ZNF207: variants seen among roughly 807,000 people sequenced by gnomAD.
ZNF207 encodes zinc finger protein 207, also known as BUB3-interacting and GLEBS motif-containing protein ZNF207.
Under a neutral mutation model 60.2 loss-of-function variants are expected in ZNF207, and 24 were observed. The observed-to-expected ratio is 0.40, with a 90% confidence interval of 0.29 to 0.56. The LOEUF is 0.56. Ranked by LOEUF, ZNF207 falls within the 20% of genes least tolerant of loss-of-function variation. ZNF207 has a pLI of 0.49. For synonymous variants in ZNF207, 236 were observed against 194.7 expected, an observed-to-expected ratio of 1.21 and a Z score of -1.77; for missense variants, 452 against 636.6, an observed-to-expected ratio of 0.71 and a Z score of 3.12.
At position 32,370,327 on chromosome 17, in the gene ZNF207, A is replaced by G. The variant is rs1301580378; in HGVS notation, c.*568A>G. The G allele has an allele frequency of 6.5e-6, 1 of 152,700 alleles. No homozygotes were observed. The highest frequency in any genetic ancestry group is 2.4e-5 in the African/African-American group (1 of 41,470). 9.5% of individuals were successfully genotyped at this position (152,700 alleles called of 1,614,324 possible). ...CTGTACTGTTAAACTTCATTGTAAT[A>G]AAATGAGAGAAAAATTTATGCCTTT... On this transcript the variant is annotated 3_prime_UTR_variant, in exon 12 of 12. Transcript: ENST00000394670.
At chr17:32,366,844 AAAAATATACTGTGTTTACTTTTT>A (rs1905184894) in intron 9 of ZNF207, 87 bp downstream of exon 9, 7 of 1,206,716 alleles carry the variant, frequency 5.8e-6, no homozygotes, top group Middle Eastern at 2.0e-4. Flanking sequence ...ATATTTTTCC[AAAAATATACTGTGTTTACTTTTT>A]TAAAGCAAAA....
chr17:32,354,893 C>T (rs1597758792), intron 2 of ZNF207, among the ~76,000 whole-genome samples: 1 of 152,102 alleles, frequency 6.6e-6, no homozygotes, highest in Non-Finnish European at 1.5e-5. Flanking sequence ...GGATTACAGG[C>T]GTGAGCCACT....
intron 6 of ZNF207, among the ~76,000 whole-genome samples, chr17:32,362,524 A>C (rs1904946284): frequency 6.6e-6 from 1 of 152,158 alleles, no homozygotes; most frequent in Non-Finnish European, 1.5e-5. Context: ...AAAATCCAAC[A>C]CAACTCTGAA....
intron 7 of ZNF207, among the ~76,000 whole-genome samples, chr17:32,364,487 G>C (rs1440045706): frequency 6.6e-6 from 1 of 151,532 alleles, no homozygotes; most frequent in Non-Finnish European, 1.5e-5. Flanking sequence ...AGCCTCCTGA[G>C]TAGCTGGGAT....
At chr17:32,363,688 C>T (rs1162763290) in intron 7 of ZNF207, among the ~76,000 whole-genome samples, 3 of 151,678 alleles carry the variant, frequency 2.0e-5, no homozygotes, top group Admixed American at 6.6e-5. Context: ...CCCACTACCA[C>T]GCCTGGCTCA....
At chr17:32,367,623 G>A (rs1242900764) in intron 9 of ZNF207, 149 bp from the exon 10 acceptor site, 2 of 1,079,812 alleles carry the variant, frequency 1.9e-6, no homozygotes, top group Non-Finnish European at 2.6e-6. Flanking sequence ...CTTGAATTTT[G>A]TGGAATGTTT....
Position 32,369,926 on chromosome 17 carries a change from T to G in ZNF207, c.*167T>G. The G allele has an allele frequency of 1.3e-6, 1 of 792,540 alleles. No homozygotes were observed. Among genetic ancestry groups the G allele is most frequent in the Non-Finnish European group, 1.7e-6 (1 of 582,736 alleles). 49.1% of individuals were successfully genotyped at this position (792,540 alleles called of 1,614,324 possible). A position where few individuals can be genotyped will look rare whatever the true frequency, so the allele number is the denominator to read the frequency against. On this transcript the variant is annotated 3_prime_UTR_variant, in exon 12 of 12. Transcript: ENST00000394670. Reference sequence around the variant, plus strand: ...TTTATTTTACATGGGAAAAATTATTTGGAATAATAAAGCAGGAACTTTTCC... The same window carrying G: ...TTTATTTTACATGGGAAAAATTATTGGGAATAATAAAGCAGGAACTTTTCC...
In ZNF207 at chr17:32,378,995, G is replaced by T. The variant is rs1027399621; in HGVS notation, c.*9236G>T. The T allele has an allele frequency of 1.4e-4, 22 of 152,088 alleles. No homozygotes were observed. The highest frequency in any genetic ancestry group is 4.6e-4 in the African/African-American group (19 of 41,454). 9.4% of individuals were successfully genotyped at this position (152,088 alleles called of 1,614,324 possible). On this transcript the variant is annotated 3_prime_UTR_variant, in exon 12 of 12. Transcript: ENST00000394670. The stretch of plus-strand genomic sequence containing the variant: ...ATGGTGATTAGCCATTGTGAAAACA[G>T]ATTATATGGAAATTGTGCATATTGC...
At chr17:32,362,892 C>T (rs1284692320) in intron 6 of ZNF207, 22 bp from the exon 7 acceptor site, 2 of 1,610,224 alleles carry the variant, frequency 1.2e-6, no homozygotes, top group South Asian at 2.2e-5. Context: ...CTTACTGTTT[C>T]TTGAAATTTG....
rs917746907 is a variant in ZNF207, at chr17:32,373,636, T to G, written c.*3877T>G. The G allele has an allele frequency of 4.6e-5, 18 of 389,110 alleles. No homozygotes were observed. The highest frequency in any genetic ancestry group is 7.7e-5 in the Non-Finnish European group (17 of 221,202). The allele number at this position is 389,110 out of a possible 1,614,324, so 24.1% of individuals were successfully genotyped here. On this transcript the variant is annotated 3_prime_UTR_variant, in exon 12 of 12. Transcript: ENST00000394670. ...TATTCACGTTTGACTGTGGTGTTAA[T>G]AAACATAAGTATTTCATATGCAATT...
chr17:32,368,132 A>G, intron 10 of ZNF207, 118 bp downstream of exon 10: 6 of 1,412,868 alleles, frequency 4.2e-6, no homozygotes, highest in Non-Finnish European at 5.7e-6. Context: ...TTTAATGCTC[A>G]CTAAGTGGTT....
chr17:32,367,008 C>T (rs1202323688), intron 9 of ZNF207, among the ~76,000 whole-genome samples: 57 of 151,652 alleles, frequency 3.8e-4, no homozygotes, highest in Admixed American at 3.7e-3. Flanking sequence ...CAATGGTTAG[C>T]CTGATGCATG....
rs1905637275 is a variant in ZNF207 at position 32,375,252 on chromosome 17, C to T, written c.*5493C>T. ...TTAAAGAATTTTGTTGCTTCCATGA[C>T]AAAATATCCCATTGGACTATTTTAT... On this transcript the variant is annotated 3_prime_UTR_variant, in exon 12 of 12. Transcript: ENST00000394670. The T allele has an allele frequency of 6.6e-6, 1 of 152,156 alleles. No individual in the cohort carries two copies. The highest frequency in any genetic ancestry group is 2.1e-4 in the South Asian group (1 of 4,832). The allele number at this position is 152,156 out of a possible 1,614,324, so 9.4% of individuals were successfully genotyped here. A position where few individuals can be genotyped will look rare whatever the true frequency, so the allele number is the denominator to read the frequency against.
intron 2 of ZNF207, 24 bp from the exon 3 acceptor site, chr17:32,358,479 T>G: frequency 1.3e-6 from 2 of 1,528,770 alleles, no homozygotes; most frequent in Non-Finnish European, 1.7e-6. Flanking sequence ...AAGACTTTTA[T>G]CTAATGGAAA....
chr17:32,352,143 AT>A (rs2041519958), intron 2 of ZNF207, among the ~76,000 whole-genome samples: 1 of 151,924 alleles, frequency 6.6e-6, no homozygotes, highest in Non-Finnish European at 1.5e-5. Flanking sequence ...AATTTTTTGT[AT>A]TTTTAGTAGA....
Position 32,357,351 on chromosome 17 carries a change from A to ATTTTTTTTT in ZNF207, c.169-1145_169-1137dup, listed in dbSNP as rs1164011891. Among the ~76,000 whole-genome samples the ATTTTTTTTT allele has an allele frequency of 7.4e-4, 55 of 73,998 alleles. 1 individual carries two copies. The highest frequency in any genetic ancestry group is 2.9e-3 in the African/African-American group (52 of 17,768). The allele number at this position is 73,998 out of a possible 152,430, so 48.5% of individuals were successfully genotyped here. A position where few individuals can be genotyped will look rare whatever the true frequency, so the allele number is the denominator to read the frequency against. On this transcript the variant is annotated intron_variant, in intron 2 of 11. Transcript: ENST00000394670. Reference sequence around the variant, plus strand: ...TATTATTATTATTATTATTATTATTATTTTTTTTTTTTTTTGAGACAGAAT... The same window carrying ATTTTTTTTT: ...TATTATTATTATTATTATTATTATTATTTTTTTTTTTTTTTTTTTTTTTTGAGACAGAAT...
chr17:32,359,324 G>A (rs1904726110), intron 3 of ZNF207, among the ~76,000 whole-genome samples: 1 of 152,050 alleles, frequency 6.6e-6, no homozygotes, highest in Non-Finnish European at 1.5e-5. Context: ...TGTTGGTCAG[G>A]CTGGTCTTGA....
rs1905761650 is a variant in ZNF207 at position 32,378,537 on chromosome 17, GTGTACCAGTGAGTTCA to G, written c.*8780_*8795del. 1 of 151,916 alleles carries G rather than the reference GTGTACCAGTGAGTTCA, an allele frequency of 6.6e-6. No homozygotes were observed. The allele number at this position is 151,916 out of a possible 1,614,324, so 9.4% of individuals were successfully genotyped here. A position where few individuals can be genotyped will look rare whatever the true frequency, so the allele number is the denominator to read the frequency against. ...TTGTAAACTATAACGTATCCCGTTG[GTGTACCAGTGAGTTCA>G]TTTTACTGTAAACTAAGAATAACAT... On this transcript the variant is annotated 3_prime_UTR_variant, in exon 12 of 12. Coordinates refer to ENST00000394670, the MANE Select transcript of ZNF207 (RefSeq NM_001098507.2).
intron 5 of ZNF207, 158 bp from the exon 6 acceptor site, chr17:32,361,310 G>A (rs1904869677): frequency 1.7e-6 from 1 of 595,400 alleles, no homozygotes; most frequent in Non-Finnish European, 2.9e-6. Flanking sequence ...CTCTGTAAAT[G>A]ATTTATTTGT....
Sources: allele counts gnomAD v4.1 joint callset (sites outside exome capture counted in the v4.1 genomes callset), GRCh38; gene constraint gnomAD v4.1.1; transcripts MANE v1.5; gene names NCBI Gene and HGNC (gene_info 2026-07-23, HGNC 2026-07-21).